Variants in RAD50 observed in about 807,000 individuals in gnomAD.
The protein encoded by RAD50 is RAD50 double strand break repair protein.
RAD50 carries 132 observed loss-of-function variants against 168.8 expected under a neutral mutation model. That is an observed-to-expected ratio of 0.78 (90% CI 0.68 to 0.90). RAD50 has a LOEUF of 0.90. Ranked by LOEUF, RAD50 falls within the 40% of genes least tolerant of loss-of-function variation. The pLI, the probability that RAD50 is intolerant of heterozygous loss-of-function variation, is 0.00. For missense variants in RAD50, 1,347 were observed against 1,534.4 expected, an observed-to-expected ratio of 0.88 and a Z score of 2.04; for synonymous variants, 525 against 497.4, an observed-to-expected ratio of 1.06 and a Z score of -0.74.
chr5:132,566,592 G>A (rs1286698470), intron 2 of RAD50, among the ~76,000 whole-genome samples: 1 of 152,022 alleles, frequency 6.6e-6, no homozygotes, highest in Non-Finnish European at 1.5e-5. Context: ...ATCTCTCCTC[G>A]ATTATTCCCT....
rs1751842938 is a variant in RAD50, at chr5:132,646,090, G to GACAA, written c.*3728_*3731dup. The stretch of plus-strand genomic sequence containing the variant: ...GGCAGAGTGAGACCCTGTCTAAAAA[G>GACAA]ACAAAAAAAAAAAAAAAAAAAAAGC... On this transcript the variant is annotated 3_prime_UTR_variant, in exon 25 of 25. Transcript: ENST00000378823. 2 of 8,202 alleles carry GACAA rather than the reference G, an allele frequency of 2.4e-4. No individual in the cohort carries two copies. Among genetic ancestry groups the GACAA allele is most frequent in the African/African-American group, 1.2e-3 (2 of 1,652 alleles). The allele number at this position is 8,202 out of a possible 1,614,324, so 0.5% of individuals were successfully genotyped here.
chr5:132,601,280 G>C (rs1750883125), intron 13 of RAD50, among the ~76,000 whole-genome samples: 1 of 152,194 alleles, frequency 6.6e-6, no homozygotes, highest in Admixed American at 6.5e-5. Context: ...TTACAGGCGT[G>C]AGCCGTCACA....
chr5:132,640,713 G>C lies in RAD50; in HGVS notation c.3660G>C (p.Thr1220=), dbSNP rs758026288. Residue 1220 remains threonine (T), a synonymous_variant, in exon 24 of 25, where the codon ACG becomes ACC. Coordinates refer to ENST00000378823, the MANE Select transcript of RAD50 (RefSeq NM_005732.4). ...TCATTCGCCTGGCCCTGGCTGAAAC[G>C]TTCTGCCTCAACTGTGGCATCATTG... ...SLIIRLALAE[T]FCLNCGIIAL... 6.2e-7 allele frequency: 1 copy of C among 1,614,172 alleles called. No individual in the cohort carries two copies. Among genetic ancestry groups the C allele is most frequent in the Non-Finnish European group, 8.5e-7 (1 of 1,180,024 alleles).
chr5:132,615,828 C>G (rs1185010667), intron 19 of RAD50, among the ~76,000 whole-genome samples, 175 bp from the exon 20 acceptor site: 2 of 152,150 alleles, frequency 1.3e-5, no homozygotes, highest in Non-Finnish European at 2.9e-5. Flanking sequence ...GGGGATGGGC[C>G]ATCCAGATTG....
intron 2 of RAD50, among the ~76,000 whole-genome samples, chr5:132,567,399 A>C (rs1209345281): frequency 6.6e-6 from 1 of 152,228 alleles, no homozygotes; most frequent in African/African-American, 2.4e-5. Context: ...TCTACCTGGG[A>C]ACACTTTGTA....
chr5:132,557,418 A>T lies in RAD50; in HGVS notation c.94A>T (p.Thr32Ser), dbSNP rs1554096651. Residue 32 changes from threonine to serine, a missense_variant, in exon 1 of 25, where the codon ACA becomes TCA. Physicochemically the swap from Thr to Ser is moderately conservative, Grantham distance 58. Around this residue, in one of 3 missense-constraint regions of RAD50, gnomAD observed 703 missense variants for 767.7 expected, o/e 0.92. Coordinates refer to ENST00000378823, the MANE Select transcript of RAD50 (RefSeq NM_005732.4). ...KQIITFFSPL[T>S]ILVGPNGAGK... ...AATTATCACTTTCTTCAGCCCCCTT[A>T]CAATTTTGGTTGGACCCAATGGGGC... The T allele has an allele frequency of 1.2e-6, 2 of 1,614,152 alleles. No homozygotes were observed. Among genetic ancestry groups the T allele is most frequent in the African/African-American group, 1.3e-5 (1 of 75,054 alleles).
chr5:132,600,849 T>C (rs1005504548), intron 13 of RAD50, among the ~76,000 whole-genome samples: 2 of 152,218 alleles, frequency 1.3e-5, no homozygotes, highest in African/African-American at 4.8e-5. Context: ...GTAATGGATA[T>C]GTTAAATTAC....
intron 2 of RAD50, among the ~76,000 whole-genome samples, chr5:132,561,374 G>A (rs1378821500): frequency 2.0e-5 from 3 of 152,080 alleles, no homozygotes; most frequent in East Asian, 1.9e-4. Flanking sequence ...TGTATTTTTA[G>A]CAGAGACGGG....
intron 17 of RAD50, among the ~76,000 whole-genome samples, 157 bp downstream of exon 17, chr5:132,608,882 G>C (rs1330688638): frequency 2.0e-5 from 3 of 152,146 alleles, no homozygotes; most frequent in Admixed American, 1.3e-4. Flanking sequence ...ATTCTTGTTA[G>C]AACAAGGATT....
At chr5:132,619,815 C>CTCTCTCTCCTCT (rs371995991) in intron 21 of RAD50, among the ~76,000 whole-genome samples, 1 of 118,352 alleles carries the variant, frequency 8.4e-6, no homozygotes, top group African/African-American at 3.8e-5. Context: ...TCTCTCTACT[C>CTCTCTCTCCTCT]CTCTCTCTCT....
intron 12 of RAD50, 62 bp downstream of exon 12, chr5:132,595,106 A>G: frequency 6.6e-7 from 1 of 1,511,430 alleles, no homozygotes; most frequent in South Asian, 1.1e-5. Flanking sequence ...ATTCACAGGT[A>G]ACTGTTAAGG....
chr5:132,639,535 A>G lies in RAD50; in HGVS notation c.3619-1137A>G, dbSNP rs568271574. ...TGATGATTTTTAGTGGTAATTATAAATGAGAAAATACAGAGTTTGAAACAT... is the reference window on the plus strand; with the variant it reads ...TGATGATTTTTAGTGGTAATTATAAGTGAGAAAATACAGAGTTTGAAACAT... On this transcript the variant is annotated intron_variant, in intron 23 of 24. Transcript: ENST00000378823. 3.3e-5 allele frequency among the ~76,000 whole-genome samples: 5 copies of G among 152,350 alleles called. No homozygotes were observed. In the South Asian group the frequency reaches 1.0e-3, roughly 32 times the overall value.
chr5:132,620,206 C>G (rs898905104), intron 21 of RAD50, among the ~76,000 whole-genome samples: 1 of 152,214 alleles, frequency 6.6e-6, no homozygotes, highest in African/African-American at 2.4e-5. Context: ...CGCCCTACTT[C>G]TATATTTTTG....
At chr5:132,628,626 A>G (rs960484131) in intron 21 of RAD50, among the ~76,000 whole-genome samples, 1 of 152,176 alleles carries the variant, frequency 6.6e-6, no homozygotes, top group Non-Finnish European at 1.5e-5. Context: ...CGGGTGGATC[A>G]CCTGAAGTCA....
intron 13 of RAD50, among the ~76,000 whole-genome samples, chr5:132,596,107 C>T (rs1193378544): frequency 1.3e-5 from 2 of 152,016 alleles, no homozygotes; most frequent in African/African-American, 4.8e-5. Context: ...GATTCCCATG[C>T]CTCAGCCTCT....
At chr5:132,592,973 T>C (rs1263703818) in intron 11 of RAD50, 5 of 439,046 alleles carry the variant, frequency 1.1e-5, no homozygotes, top group South Asian at 8.1e-5. Context: ...GAGGTGTCTA[T>C]GGTGTTGGCT....
chr5:132,590,357 CT>C (rs1412759224), intron 9 of RAD50, among the ~76,000 whole-genome samples: 1 of 152,132 alleles, frequency 6.6e-6, no homozygotes, highest in African/African-American at 2.4e-5. Context: ...GTAATCCCAG[CT>C]ACTTGGGAGG....
intron 16 of RAD50, among the ~76,000 whole-genome samples, chr5:132,606,629 A>G (rs1750990425): frequency 6.6e-6 from 1 of 152,248 alleles, no homozygotes; most frequent in Non-Finnish European, 1.5e-5. Flanking sequence ...TAAGGCCAGC[A>G]TCATCCTGAT....
chr5:132,592,829 A>G, intron 11 of RAD50: 1 of 471,066 alleles, frequency 2.1e-6, no homozygotes, highest in South Asian at 1.5e-5. Flanking sequence ...TGCTTTAGGA[A>G]CTTGATCCCA....
Sources: allele counts gnomAD v4.1 joint callset (sites outside exome capture counted in the v4.1 genomes callset), GRCh38; gene constraint gnomAD v4.1.1; regional missense constraint gnomAD v4.1.1; transcripts MANE v1.5; gene names NCBI Gene and HGNC (gene_info 2026-07-23, HGNC 2026-07-21).